Variants in RMDN3 observed in about 807,000 individuals in gnomAD.
RMDN3 encodes the protein regulator of microtubule dynamics protein 3.
In RMDN3, 41 loss-of-function variants were observed where a neutral mutation model predicts 61.8. The observed-to-expected ratio is 0.66, with a 90% CI of 0.52 to 0.86. The LOEUF (loss-of-function observed/expected upper bound fraction) is 0.86, where lower values mean the gene tolerates loss of function less well. Ranked by LOEUF, RMDN3 falls within the 40% of genes least tolerant of loss-of-function variation. The pLI is 0.00. For synonymous variants in RMDN3, 247 were observed against 232.0 expected, an observed-to-expected ratio of 1.06 and a Z score of -0.59; for missense variants, 557 against 585.3, an observed-to-expected ratio of 0.95 and a Z score of 0.50.
chr15:40,741,219 C>T (rs998604922), intron 6 of RMDN3, among the ~76,000 whole-genome samples: 1 of 151,990 alleles, frequency 6.6e-6, no homozygotes, highest in South Asian at 2.1e-4. Flanking sequence ...AAAAAATTCC[C>T]TAAAGGGGAT....
In RMDN3 at chr15:40,736,483, C is replaced by T. The variant is rs983119241; in HGVS notation, c.*58G>A. On this transcript the variant is annotated 3_prime_UTR_variant, in exon 13 of 13. Transcript: ENST00000338376. ...CTCAGCAAGGTCTAAGGAAAAAAGC[C>T]TCCCCGCCCCCCCACCTTAAATAGT... The T allele has an allele frequency of 6.0e-5, 92 of 1,545,364 alleles. No homozygotes were observed. Among genetic ancestry groups the T allele is most frequent in the Non-Finnish European group, 6.4e-5 (72 of 1,119,094 alleles).
intron 4 of RMDN3, among the ~76,000 whole-genome samples, chr15:40,749,999 G>A (rs1014074174): frequency 6.6e-6 from 1 of 152,098 alleles, no homozygotes; most frequent in African/African-American, 2.4e-5. Context: ...AGTCAACCAC[G>A]GACTGCGCAT....
intron 4 of RMDN3, among the ~76,000 whole-genome samples, chr15:40,746,356 A>G (rs183808899): frequency 6.6e-6 from 1 of 152,006 alleles, no homozygotes; most frequent in Non-Finnish European, 1.5e-5. Context: ...TCTACTAAAA[A>G]ATACAAAAAA....
chr15:40,741,623 T>TA (rs1897285520), intron 6 of RMDN3, among the ~76,000 whole-genome samples: 1 of 110,948 alleles, frequency 9.0e-6, no homozygotes, highest in Non-Finnish European at 1.7e-5. Flanking sequence ...ACATAGGATT[T>TA]TTTTTTTTTT....
At chr15:40,746,317 C>T (rs902720980) in intron 4 of RMDN3, among the ~76,000 whole-genome samples, 2 of 152,052 alleles carry the variant, frequency 1.3e-5, no homozygotes, top group African/African-American at 2.4e-5. Flanking sequence ...AGATCAAGAC[C>T]ATCCTGGCTA....
Position 40,737,958 on chromosome 15 carries a change from A to G in RMDN3, c.1125+7T>C. ...ACCATTATGTCAAGCACTGAAACGC[A>G]GCTTACCTGATAGCACCACCTGCCA... On this transcript the variant is annotated splice_region_variant and intron_variant, in intron 9 of 12. Coordinates refer to ENST00000338376, the MANE Select transcript of RMDN3 (RefSeq NM_018145.3). The G allele has an allele frequency of 6.2e-7, 1 of 1,614,100 alleles. No homozygotes were observed. The highest frequency in any genetic ancestry group is 8.5e-7 in the Non-Finnish European group (1 of 1,179,944).
intron 3 of RMDN3, 90 bp downstream of exon 3, chr15:40,751,896 C>G: frequency 7.2e-7 from 1 of 1,397,450 alleles, no homozygotes; most frequent in East Asian, 2.3e-5. Context: ...CTGGTTTATT[C>G]TTTAGAGACA....
chr15:40,737,237 T>C, intron 11 of RMDN3, 33 bp from the exon 12 acceptor site: 1 of 1,609,732 alleles, frequency 6.2e-7, no homozygotes, highest in Non-Finnish European at 8.5e-7. Context: ...CCTGATACTG[T>C]GTACTTTCAG....
At chr15:40,745,342 G>T in intron 4 of RMDN3, 83 bp from the exon 5 acceptor site, 1 of 1,351,222 alleles carries the variant, frequency 7.4e-7, no homozygotes, top group Non-Finnish European at 1.0e-6. Context: ...CCCCAAAGAA[G>T]CACTCTACAT....
In RMDN3 at chr15:40,736,668, G is replaced by A. The variant is rs1276224805; in HGVS notation, c.1360-74C>T. ...TTCCCAAACCAGTGGAACCTAAGAA[G>A]AGGGGCCCTTTGCTTCCTTCCTGAG... On this transcript the variant is annotated intron_variant, in intron 12 of 12. Transcript: ENST00000338376. 8 of 1,329,890 alleles carry A rather than the reference G, an allele frequency of 6.0e-6. No homozygotes were observed. The East Asian group carries it at 1.6e-4, about 27-fold the overall frequency. 82.4% of individuals were successfully genotyped at this position (1,329,890 alleles called of 1,614,324 possible). A position where few individuals can be genotyped will look rare whatever the true frequency, so the allele number is the denominator to read the frequency against.
Position 40,736,221 on chromosome 15 carries a change from C to A in RMDN3, c.*320G>T. On this transcript the variant is annotated 3_prime_UTR_variant, in exon 13 of 13. Coordinates refer to ENST00000338376, the MANE Select transcript of RMDN3 (RefSeq NM_018145.3). ...TGTTCCTATAGCTTTGAAGTTCATC[C>A]ACCTCACCAGCAATTGGAAGGTCTC... 2.8e-6 allele frequency: 1 copy of A among 351,584 alleles called. No homozygotes were observed. The highest frequency in any genetic ancestry group is 2.1e-5 in the African/African-American group (1 of 47,346). 21.8% of individuals were successfully genotyped at this position (351,584 alleles called of 1,614,324 possible).
In RMDN3 at chr15:40,744,144, T is replaced by C; in HGVS notation, c.813A>G (p.Gly271=). The change falls in exon 6 of 13, where the codon GGA becomes GGG. Residue 271 remains glycine (G), a synonymous_variant. Coordinates refer to ENST00000338376, the MANE Select transcript of RMDN3 (RefSeq NM_018145.3). ...GGCGCCAGAGAAAGTCCTGCCGGCT[T>C]CCATACTGCAGACCAGACAGAAACG... is the stretch of plus-strand genomic sequence containing the variant. ...QLLLNNKLVY[G]SRQDFLWRLA... 2 of 1,613,262 alleles carry C rather than the reference T, an allele frequency of 1.2e-6. No individual in the cohort carries two copies. The highest frequency in any genetic ancestry group is 4.5e-5 in the East Asian group (2 of 44,880).
intron 6 of RMDN3, among the ~76,000 whole-genome samples, chr15:40,741,928 A>G (rs535837692): frequency 6.6e-6 from 1 of 151,970 alleles, no homozygotes; most frequent in South Asian, 2.1e-4. Flanking sequence ...TGCCCAGCCA[A>G]GAATTCTTTG....
At chr15:40,751,071 A>C (rs933981764) in intron 4 of RMDN3, among the ~76,000 whole-genome samples, 4 of 152,216 alleles carry the variant, frequency 2.6e-5, no homozygotes, top group South Asian at 2.1e-4. Context: ...CCCAGGGAGG[A>C]GCATGCTTCG....
chr15:40,744,060 T>C lies in RMDN3; in HGVS notation c.897A>G (p.Ser299=), dbSNP rs757842241. ...GTCAGCACTTACCATCTAGGGCATA[T>C]GACTTCTTCTCGCTCACCTCCTCAG... ...ELTEEVSEKK[S]YALDGKEEAE... The change falls in exon 6 of 13, where the codon TCA becomes TCG. Residue 299 remains serine (S), a synonymous_variant. Transcript: ENST00000338376. 5.0e-6 allele frequency: 8 copies of C among 1,613,192 alleles called. No homozygotes were observed. Among genetic ancestry groups the C allele is most frequent in the Admixed American group, 3.3e-5 (2 of 59,952 alleles).
At chr15:40,747,841 C>G (rs780327352) in intron 4 of RMDN3, 4 of 152,088 alleles carry the variant, frequency 2.6e-5, no homozygotes, top group Admixed American at 6.5e-5. Context: ...TAACCTAAAC[C>G]ATGTTAGAGA....
rs1897038392 is a variant in RMDN3, at chr15:40,736,262, T to C, written c.*279A>G. ...GGAAGGTCTCAGGTCTTGCAGGCTC[T>C]ACCCATGTGTAATCCTGGGGCAGGT... is the stretch of plus-strand genomic sequence containing the variant. On this transcript the variant is annotated 3_prime_UTR_variant, in exon 13 of 13. Transcript: ENST00000338376. 4.5e-6 allele frequency: 2 copies of C among 449,374 alleles called. No homozygotes were observed. The highest frequency in any genetic ancestry group is 7.9e-6 in the Non-Finnish European group (2 of 254,620). 27.8% of individuals were successfully genotyped at this position (449,374 alleles called of 1,614,324 possible).
chr15:40,744,189 C>T (rs1897401517), intron 5 of RMDN3, 40 bp from the exon 6 acceptor site: 1 of 1,589,954 alleles, frequency 6.3e-7, no homozygotes, highest in South Asian at 1.1e-5. Flanking sequence ...CCTTTTTCCT[C>T]AACTGTGGAG....
chr15:40,742,689 G>A (rs1897329122), intron 6 of RMDN3, among the ~76,000 whole-genome samples: 1 of 152,142 alleles, frequency 6.6e-6, no homozygotes, highest in East Asian at 1.9e-4. Context: ...TTTGTCCATG[G>A]GTGCTAAGCT....
Sources: gnomAD v4.1 joint callset for allele counts (sites outside exome capture counted in the v4.1 genomes callset) on GRCh38, gnomAD v4.1.1 for gene constraint, MANE v1.5 for transcripts, NCBI Gene and HGNC (gene_info 2026-07-23, HGNC 2026-07-21) for gene names.